Variants in IARS2 observed in about 807,000 individuals in gnomAD.
The protein encoded by IARS2 is isoleucine--tRNA ligase, mitochondrial.
In IARS2, 56 loss-of-function variants were observed where a neutral mutation model predicts 126.3. The observed-to-expected ratio is 0.44, with a 90% CI of 0.36 to 0.55. The LOEUF is 0.55. Ranked by LOEUF, IARS2 falls within the 20% of genes least tolerant of loss-of-function variation. The pLI is 0.00. For missense variants in IARS2, 1,127 were observed against 1,245.9 expected (o/e 0.90, Z 1.44); for synonymous variants, 407 against 441.1 (o/e 0.92, Z 0.97).
intron 8 of IARS2, among the ~76,000 whole-genome samples, chr1:220,104,813 C>T (rs928735893): frequency 6.6e-6 from 1 of 152,084 alleles, no homozygotes; most frequent in Non-Finnish European, 1.5e-5. Flanking sequence ...GGATTATAGA[C>T]GTGAGCCACC....
In IARS2 at chr1:220,117,184, C is replaced by CTTTTTTT. The variant is rs1192537887; in HGVS notation, c.1640+2728_1640+2734dup. Reference sequence around the variant, plus strand: ...ATAAGCCATGTCATTGTCTCCTCTTCTTTTTTTTTTTTTTTTTTTTTTTTG... The same window carrying CTTTTTTT: ...ATAAGCCATGTCATTGTCTCCTCTTCTTTTTTTTTTTTTTTTTTTTTTTTTTTTTTTG... On this transcript the variant is annotated intron_variant, in intron 12 of 22. Transcript: ENST00000366922. Among the ~76,000 whole-genome samples, 170 of 48,458 alleles carry CTTTTTTT rather than the reference C, an allele frequency of 3.5e-3. 1 individual carries two copies. The highest frequency in any genetic ancestry group is 3.8e-3 in the Non-Finnish European group (103 of 27,266). The allele number at this position is 48,458 out of a possible 152,430, so 31.8% of individuals were successfully genotyped here. A position where few individuals can be genotyped will look rare whatever the true frequency, so the allele number is the denominator to read the frequency against.
chr1:220,128,516 A>C (rs527973721), intron 14 of IARS2, among the ~76,000 whole-genome samples: 2 of 152,336 alleles, frequency 1.3e-5, no homozygotes, highest in Admixed American at 1.3e-4. Context: ...ATGTTCACAC[A>C]GTGATGAAAT....
intron 2 of IARS2, among the ~76,000 whole-genome samples, chr1:220,099,931 A>G (rs1452764880): frequency 1.3e-5 from 2 of 152,270 alleles, no homozygotes; most frequent in East Asian, 1.9e-4. Context: ...TACTTTTGAT[A>G]GGCATGGAAA....
At chr1:220,109,829 C>A (rs530263588) in intron 10 of IARS2, among the ~76,000 whole-genome samples, 1 of 152,318 alleles carries the variant, frequency 6.6e-6, no homozygotes, top group East Asian at 1.9e-4. Context: ...CACCTGGTTT[C>A]CTCCAGATTA....
chr1:220,098,301 C>T (rs1656491285), intron 2 of IARS2, among the ~76,000 whole-genome samples: 1 of 152,180 alleles, frequency 6.6e-6, no homozygotes, highest in South Asian at 2.1e-4. Flanking sequence ...TGCTCTTCCT[C>T]ACACATGCTA....
At position 220,102,255 on chromosome 1, in the gene IARS2, C is replaced by G; in HGVS notation, c.677C>G (p.Thr226Ser). 1.2e-6 allele frequency: 2 copies of G among 1,608,198 alleles called. No homozygotes were observed. Among genetic ancestry groups the G allele is most frequent in the Non-Finnish European group, 1.7e-6 (2 of 1,178,692 alleles). ...DGKYEAKQLR[T>S]FYQMYDKGLV... ...AAGTATGAAGCCAAACAGTTGAGAACTTTTTACCAAATGTATGATAAGGTA... is the reference window on the plus strand; with the variant it reads ...AAGTATGAAGCCAAACAGTTGAGAAGTTTTTACCAAATGTATGATAAGGTA... The change falls in exon 4 of 23, where the codon ACT (threonine) becomes AGT (serine). Residue 226 changes from threonine (T) to serine (S), a missense_variant. By Grantham distance (58) the Thr-to-Ser change is moderately conservative. Transcript: ENST00000366922.
chr1:220,105,082 C>T (rs1656651945), intron 8 of IARS2, among the ~76,000 whole-genome samples: 1 of 151,948 alleles, frequency 6.6e-6, no homozygotes, highest in African/African-American at 2.4e-5. Context: ...CTCTTTGGTG[C>T]AATAGGGTAA....
intron 2 of IARS2, among the ~76,000 whole-genome samples, chr1:220,097,784 C>A (rs1183655623): frequency 6.6e-6 from 1 of 152,206 alleles, no homozygotes. Context: ...TACAGTGGAT[C>A]ACGTGTTCAC....
rs1656386142 is a variant in IARS2 at position 220,094,208 on chromosome 1, T to G, written c.-9T>G. 6.4e-7 allele frequency: 1 copy of G among 1,557,966 alleles called. No individual in the cohort carries two copies. The highest frequency in any genetic ancestry group is 8.7e-7 in the Non-Finnish European group (1 of 1,154,820). On this transcript the variant is annotated 5_prime_UTR_variant, in exon 1 of 23. Transcript: ENST00000366922. Reference sequence around the variant, plus strand: ...AGCGGAGGACCCCGCTCTCAGGGGTTGCCGGACCATGCGTTGGGGGCTGCG... The same window carrying G: ...AGCGGAGGACCCCGCTCTCAGGGGTGGCCGGACCATGCGTTGGGGGCTGCG...
At position 220,094,271 on chromosome 1, in the gene IARS2, C is replaced by A. The variant is rs773732328; in HGVS notation, c.55C>A (p.Arg19=). ...GPGAAALATA[R]SLWGTPRLPC... is the part of the protein sequence containing the mutation. Reference sequence around the variant, plus strand: ...GGGCGCGGCCGCCCTGGCCACTGCCCGAAGTTTGTGGGGGACGCCCCGCCT... The same window carrying A: ...GGGCGCGGCCGCCCTGGCCACTGCCAGAAGTTTGTGGGGGACGCCCCGCCT... Residue 19 remains arginine (R), a synonymous_variant, in exon 1 of 23, where the codon CGA becomes AGA. Transcript: ENST00000366922. 1 of 1,609,270 alleles carries A rather than the reference C, an allele frequency of 6.2e-7. No individual in the cohort carries two copies. Among genetic ancestry groups the A allele is most frequent in the Non-Finnish European group, 8.5e-7 (1 of 1,177,986 alleles).
chr1:220,117,889 G>A (rs1656960159), intron 12 of IARS2: 1 of 526,524 alleles, frequency 1.9e-6, no homozygotes, highest in Non-Finnish European at 3.9e-6. Context: ...TTGGCCTAAA[G>A]AAATGACAGA....
Position 220,134,386 on chromosome 1 carries a change from A to G in IARS2, c.1838-16A>G. 6.6e-7 allele frequency: 1 copy of G among 1,523,556 alleles called. No individual in the cohort carries two copies. The highest frequency in any genetic ancestry group is 8.8e-7 in the Non-Finnish European group (1 of 1,130,756). The allele number at this position is 1,523,556 out of a possible 1,614,324, so 94.4% of individuals were successfully genotyped here. On this transcript the variant is annotated splice_polypyrimidine_tract_variant and intron_variant, in intron 14 of 22. Coordinates refer to ENST00000366922, the MANE Select transcript of IARS2 (RefSeq NM_018060.4). Reference sequence around the variant, plus strand: ...AAATTTCTGGGTTTTTTTTTCTTTTAATACTTAATTTTGAGGTCCTGACCA... The same window carrying G: ...AAATTTCTGGGTTTTTTTTTCTTTTGATACTTAATTTTGAGGTCCTGACCA...
intron 10 of IARS2, among the ~76,000 whole-genome samples, chr1:220,110,356 A>G (rs544578286): frequency 1.3e-5 from 2 of 150,628 alleles, no homozygotes; most frequent in African/African-American, 4.9e-5. Context: ...AACCACGCCC[A>G]GCCAAGTTGA....
intron 14 of IARS2, among the ~76,000 whole-genome samples, chr1:220,129,587 A>G (rs971337160): frequency 7.9e-5 from 12 of 152,148 alleles, no homozygotes; most frequent in Non-Finnish European, 1.6e-4. Context: ...GCTCCCACAT[A>G]TGAGTGAAAA....
chr1:220,138,707 A>C, intron 17 of IARS2, among the ~76,000 whole-genome samples: 1 of 152,110 alleles, frequency 6.6e-6, no homozygotes, highest in East Asian at 1.9e-4. Context: ...ATTCTGACCC[A>C]CACACATGAA....
At chr1:220,135,456 G>A (rs946298363) in intron 15 of IARS2, among the ~76,000 whole-genome samples, 1 of 152,000 alleles carries the variant, frequency 6.6e-6, no homozygotes, top group African/African-American at 2.4e-5. Flanking sequence ...TGTCTCCCGG[G>A]TTCAAGCGAT....
chr1:220,123,699 G>A (rs1040168435), intron 12 of IARS2, among the ~76,000 whole-genome samples: 10 of 152,018 alleles, frequency 6.6e-5, no homozygotes, highest in Admixed American at 2.6e-4. Flanking sequence ...GGATGGTCTC[G>A]ATCTCCTGAG....
At chr1:220,109,687 A>G (rs1298436525) in intron 10 of IARS2, among the ~76,000 whole-genome samples, 2 of 152,182 alleles carry the variant, frequency 1.3e-5, no homozygotes, top group Non-Finnish European at 2.9e-5. Flanking sequence ...TCCTCTAAGA[A>G]CACCAGTGCT....
At position 220,142,928 on chromosome 1, in the gene IARS2, T is replaced by G; in HGVS notation, c.2561-16T>G. On this transcript the variant is annotated splice_polypyrimidine_tract_variant and intron_variant, in intron 20 of 22. Coordinates refer to ENST00000366922, the MANE Select transcript of IARS2 (RefSeq NM_018060.4). ...GGATGTTTGTAAAGCAGTTTACTATTTTTGTTCTTCTGAAGAGCCCAAGAG... is the reference window on the plus strand; with the variant it reads ...GGATGTTTGTAAAGCAGTTTACTATGTTTGTTCTTCTGAAGAGCCCAAGAG... The G allele has an allele frequency of 6.4e-7, 1 of 1,570,744 alleles. No individual in the cohort carries two copies. The highest frequency in any genetic ancestry group is 8.7e-7 in the Non-Finnish European group (1 of 1,152,342).
Sources: allele counts gnomAD v4.1 joint callset (sites outside exome capture counted in the v4.1 genomes callset), GRCh38; gene constraint gnomAD v4.1.1; transcripts MANE v1.5; gene names NCBI Gene and HGNC (gene_info 2026-07-23, HGNC 2026-07-21).